LDLRAD4: variants seen among roughly 807,000 people sequenced by gnomAD.
LDLRAD4 encodes the protein low density lipoprotein receptor class A domain containing 4, also known as low-density lipoprotein receptor class A domain-containing protein 4.
Under a neutral mutation model 17.0 loss-of-function variants are expected in LDLRAD4, and 5 were observed. The ratio of observed to expected loss-of-function variants is 0.29; its 90% CI spans 0.15 to 0.62. The LOEUF (loss-of-function observed/expected upper bound fraction) is 0.62, where lower values mean the gene tolerates loss of function less well. Ranked by LOEUF, LDLRAD4 falls within the 20% of genes least tolerant of loss-of-function variation. LDLRAD4 has a pLI of 0.84. For synonymous variants in LDLRAD4, 168 were observed against 171.8 expected (o/e 0.98, Z 0.17); for missense variants, 340 against 424.7 (o/e 0.80, Z 1.75).
chr18:13,425,105 A>G (rs546320534), intron 2 of LDLRAD4, among the ~76,000 whole-genome samples: 191 of 152,372 alleles, frequency 1.3e-3, no homozygotes, highest in South Asian at 4.1e-3. Context: ...TACTGTGAAC[A>G]TTCCTTGTAT....
At chr18:13,518,797 A>G (rs1432547600) in intron 3 of LDLRAD4, among the ~76,000 whole-genome samples, 2 of 152,158 alleles carry the variant, frequency 1.3e-5, no homozygotes, top group East Asian at 3.8e-4. Context: ...ATTTTAGTTT[A>G]TAAACCTCCT....
intron 3 of LDLRAD4, among the ~76,000 whole-genome samples, chr18:13,579,175 G>A (rs919346840): frequency 4.6e-5 from 7 of 151,968 alleles, no homozygotes; most frequent in African/African-American, 1.7e-4. Context: ...GGGTGGCAGA[G>A]CAAGACTCCA....
At chr18:13,458,097 A>G (rs763740335) in intron 3 of LDLRAD4, among the ~76,000 whole-genome samples, 1 of 152,134 alleles carries the variant, frequency 6.6e-6, no homozygotes, top group Non-Finnish European at 1.5e-5. Flanking sequence ...GGTAAAGGCA[A>G]GTCTCCTAAC....
In LDLRAD4 at chr18:13,440,386, C is replaced by T. The variant is rs1487865569; in HGVS notation, c.181+2002C>T. ...CGAGCACTTTAATTCTGCCTAGAAG[C>T]CGAGGGAGCAGTTACATCCATCAGT... is the stretch of plus-strand genomic sequence containing the variant. On this transcript the variant is annotated intron_variant, in intron 3 of 5. Coordinates refer to ENST00000359446, the Ensembl canonical transcript of LDLRAD4. The surrounding 1 kb of genome is among the most constrained non-coding windows in gnomAD (Gnocchi z 4.4). Among the ~76,000 whole-genome samples, 1 of 152,188 alleles carries T rather than the reference C, an allele frequency of 6.6e-6. No individual in the cohort carries two copies. The highest frequency in any genetic ancestry group is 6.5e-5 in the Admixed American group (1 of 15,282).
intron 3 of LDLRAD4, chr18:13,612,328 C>A: frequency 9.1e-7 from 1 of 1,093,246 alleles, no homozygotes. Context: ...ACAGTAGTGC[C>A]CTGGGTGTAC....
At chr18:13,589,873 G>A (rs1167359888) in intron 3 of LDLRAD4, among the ~76,000 whole-genome samples, 2 of 152,200 alleles carry the variant, frequency 1.3e-5, no homozygotes, top group East Asian at 3.9e-4. Flanking sequence ...ACAGGCAGAC[G>A]GGGTCTCTGA....
chr18:13,639,188 A>G (rs1335044697), intron 4 of LDLRAD4, among the ~76,000 whole-genome samples: 1 of 152,204 alleles, frequency 6.6e-6, no homozygotes, highest in Non-Finnish European at 1.5e-5. Context: ...TTGTTGATTA[A>G]AATTGGCCCC....
intron 1 of LDLRAD4, among the ~76,000 whole-genome samples, chr18:13,224,722 C>G (rs144348330): frequency 6.6e-6 from 1 of 151,428 alleles, no homozygotes. Flanking sequence ...CCTCATGATC[C>G]GCCCGTCTTG....
At chr18:13,272,445 T>G in intron 1 of LDLRAD4, among the ~76,000 whole-genome samples, 1 of 152,220 alleles carries the variant, frequency 6.6e-6, no homozygotes, top group East Asian at 1.9e-4. Flanking sequence ...ACTTTACTGT[T>G]GCATCTGGTT....
At chr18:13,302,098 T>TAAC (rs916279925) in intron 1 of LDLRAD4, among the ~76,000 whole-genome samples, 22 of 152,260 alleles carry the variant, frequency 1.4e-4, no homozygotes, top group Non-Finnish European at 1.5e-4. Flanking sequence ...GTAGTTATTT[T>TAAC]AACAACAACA....
intron 2 of LDLRAD4, among the ~76,000 whole-genome samples, chr18:13,425,468 G>A (rs1412730006): frequency 2.0e-5 from 3 of 152,188 alleles, no homozygotes; most frequent in Admixed American, 2.0e-4. Flanking sequence ...ACCTGGATTG[G>A]CTGTGGAGCA....
chr18:13,340,339 T>A (rs2082309468), intron 1 of LDLRAD4, among the ~76,000 whole-genome samples: 1 of 152,194 alleles, frequency 6.6e-6, no homozygotes, highest in African/African-American at 2.4e-5. Flanking sequence ...TTTGAGGAAC[T>A]TCCATACTGT....
At position 13,376,198 on chromosome 18, in the gene LDLRAD4, G is replaced by C. The variant is rs1467647719; in HGVS notation, c.-382-11143G>C. Among the ~76,000 whole-genome samples, 7 of 152,276 alleles carry C rather than the reference G, an allele frequency of 4.6e-5. No individual in the cohort carries two copies. In the East Asian group the frequency reaches 1.4e-3, roughly 29 times the overall value. On this transcript the variant is annotated intron_variant, in intron 1 of 5. Transcript: ENST00000359446. ...CCTCTGTCTGAAGAAATGTGCTTAG[G>C]TCTCCATGCAGAGTAGGGGTTGGAA...
At chr18:13,501,092 G>A (rs533727776) in intron 3 of LDLRAD4, 1 of 152,116 alleles carries the variant, frequency 6.6e-6, no homozygotes, top group East Asian at 1.9e-4. Context: ...GATTGCAGAA[G>A]GCTGGTGCTG....
At chr18:13,448,703 G>A (rs111392627) in intron 3 of LDLRAD4, among the ~76,000 whole-genome samples, 4 of 152,114 alleles carry the variant, frequency 2.6e-5, no homozygotes, top group African/African-American at 7.2e-5. Context: ...CTTGCCGTTC[G>A]GCTGGGAGGT....
In LDLRAD4 at chr18:13,495,862, G is replaced by A. The variant is rs751587348; in HGVS notation, c.181+57478G>A. On this transcript the variant is annotated intron_variant, in intron 3 of 5. Coordinates refer to ENST00000359446, the Ensembl canonical transcript of LDLRAD4. ...TGCCACTGCGCAGTGTTCAGAGAGC[G>A]CGAAGACCTCCATCACCTTCTAGCT... Among the ~76,000 whole-genome samples, 8 of 152,206 alleles carry A rather than the reference G, an allele frequency of 5.3e-5. No homozygotes were observed. The South Asian group carries it at 6.2e-4, about 12-fold the overall frequency.
chr18:13,252,118 T>TTTTG (rs145425128), intron 1 of LDLRAD4, among the ~76,000 whole-genome samples: 2 of 152,046 alleles, frequency 1.3e-5, no homozygotes, highest in East Asian at 1.9e-4. Flanking sequence ...CTTCATTGGT[T>TTTTG]TTTGTTTGTT....
intron 3 of LDLRAD4, among the ~76,000 whole-genome samples, chr18:13,466,124 A>G (rs2092608068): frequency 6.6e-6 from 1 of 152,192 alleles, no homozygotes; most frequent in African/African-American, 2.4e-5. Context: ...TCATATAGTA[A>G]CACATAGTTT....
intron 4 of LDLRAD4, among the ~76,000 whole-genome samples, chr18:13,640,208 G>C (rs1019431871): frequency 6.7e-6 from 1 of 148,184 alleles, no homozygotes; most frequent in African/African-American, 2.5e-5. Flanking sequence ...CGGGAGAATG[G>C]CGTGAACCCG....
Sources: allele counts gnomAD v4.1 joint callset (sites outside exome capture counted in the v4.1 genomes callset), GRCh38; gene constraint gnomAD v4.1.1; non-coding constraint Gnocchi (gnomAD v3.1); transcripts MANE v1.5; gene names NCBI Gene and HGNC (gene_info 2026-07-23, HGNC 2026-07-21).